Variants in ZNF678 observed in about 807,000 individuals in gnomAD.
ZNF678 encodes zinc finger protein 678.
Under a neutral mutation model 3.0 loss-of-function variants are expected in ZNF678, and 5 were observed. That is an observed-to-expected ratio of 1.69 (90% CI 0.88 to 3.56). ZNF678 has a LOEUF of 3.56. Ranked by LOEUF, ZNF678 falls within the 30% of genes most tolerant of loss-of-function variation. The pLI, the probability that ZNF678 is intolerant of heterozygous loss-of-function variation, is 0.00. For synonymous variants in ZNF678, 218 were observed against 199.6 expected (o/e 1.09, Z -0.78); for missense variants, 593 against 605.0 (o/e 0.98, Z 0.21).
In ZNF678 at chr1:227,656,484, T is replaced by C. The variant is rs1659253551; in HGVS notation, c.*656T>C. 1 of 151,844 alleles carries C rather than the reference T, an allele frequency of 6.6e-6. No homozygotes were observed. The highest frequency in any genetic ancestry group is 2.1e-4 in the South Asian group (1 of 4,826). The allele number at this position is 151,844 out of a possible 1,614,324, so 9.4% of individuals were successfully genotyped here. On this transcript the variant is annotated 3_prime_UTR_variant, in exon 4 of 4. Transcript: ENST00000343776. ...CAAATAACTTGATTTTTATTATATT[T>C]ATTGTTTATGTTAAAGTATGTGGTC...
chr1:227,588,568 C>T (rs1271545764), intron 1 of ZNF678, among the ~76,000 whole-genome samples: 1 of 148,526 alleles, frequency 6.7e-6, no homozygotes, highest in African/African-American at 2.5e-5. Flanking sequence ...GGCATGATGT[C>T]AACTCAATGC....
Position 227,654,743 on chromosome 1 carries a change from T to C in ZNF678, c.493T>C (p.Trp165Arg), listed in dbSNP as rs1659177231. 6.2e-7 allele frequency: 1 copy of C among 1,612,870 alleles called. No individual in the cohort carries two copies. Among genetic ancestry groups the C allele is most frequent in the South Asian group, 1.1e-5 (1 of 91,000 alleles). Reference sequence around the variant, plus strand: ...CGAATGTGGCAAAGTTTTTAATTGGTGGTCACAACTAACTAACCATAAGAA... The same window carrying C: ...CGAATGTGGCAAAGTTTTTAATTGGCGGTCACAACTAACTAACCATAAGAA... ...CDECGKVFNW[W>R]SQLTNHKKIH... The change falls in exon 4 of 4, where the codon TGG becomes CGG. Residue 165 changes from tryptophan (W) to arginine (R), a missense_variant. Physicochemically the swap from Trp to Arg is moderately radical, Grantham distance 101. Transcript: ENST00000343776.
chr1:227,574,900 C>T (rs1656949307), intron 1 of ZNF678, among the ~76,000 whole-genome samples: 1 of 152,086 alleles, frequency 6.6e-6, no homozygotes, highest in Non-Finnish European at 1.5e-5. Context: ...ATCCCAGTAA[C>T]ATTTATTAAA....
chr1:227,599,915 C>T (rs1657692357), intron 1 of ZNF678, among the ~76,000 whole-genome samples: 1 of 152,060 alleles, frequency 6.6e-6, no homozygotes, highest in Admixed American at 6.5e-5. Flanking sequence ...TTTCATTACC[C>T]AGGTATTAAG....
intron 1 of ZNF678, among the ~76,000 whole-genome samples, chr1:227,622,501 C>T (rs1455068817): frequency 6.6e-6 from 1 of 152,164 alleles, no homozygotes; most frequent in African/African-American, 2.4e-5. Context: ...CATGATCACT[C>T]GCGTTTGGCT....
intron 2 of ZNF678, among the ~76,000 whole-genome samples, chr1:227,646,892 T>C (rs1367597587): frequency 2.0e-5 from 3 of 152,218 alleles, no homozygotes; most frequent in Admixed American, 2.0e-4. Flanking sequence ...TCTAGATGAC[T>C]GGTAATTCCA....
Position 227,656,648 on chromosome 1 carries a change from T to C in ZNF678, c.*820T>C, listed in dbSNP as rs1445163515. ...TAAGTAGAAATGCTTTTTGTTGATG[T>C]ATAACAGTGTTTTAAGTAACACATT... is the stretch of plus-strand genomic sequence containing the variant. On this transcript the variant is annotated 3_prime_UTR_variant, in exon 4 of 4. Transcript: ENST00000343776. The C allele has an allele frequency of 2.0e-5, 3 of 151,892 alleles. No homozygotes were observed. Among genetic ancestry groups the C allele is most frequent in the Non-Finnish European group, 4.4e-5 (3 of 67,860 alleles). 9.4% of individuals were successfully genotyped at this position (151,892 alleles called of 1,614,324 possible). A position where few individuals can be genotyped will look rare whatever the true frequency, so the allele number is the denominator to read the frequency against.
At chr1:227,578,003 T>A (rs1657029804) in intron 1 of ZNF678, among the ~76,000 whole-genome samples, 2 of 152,196 alleles carry the variant, frequency 1.3e-5, no homozygotes, top group African/African-American at 4.8e-5. Flanking sequence ...GAATCTTAAT[T>A]TGGCCGAATA....
chr1:227,672,258 G>T (rs184799300), intron 5 of ZNF678, among the ~76,000 whole-genome samples: 1 of 152,280 alleles, frequency 6.6e-6, no homozygotes, highest in Non-Finnish European at 1.5e-5. Context: ...ACCACCATAT[G>T]AGATTAGGGA....
At chr1:227,666,965 G>C (rs1659513425), downstream of ZNF678, among the ~76,000 whole-genome samples, 1 of 151,480 alleles carries the variant, frequency 6.6e-6, no homozygotes, top group Admixed American at 6.6e-5. Flanking sequence ...AGCTGGTCTT[G>C]AACTCCAGAC....
At chr1:227,600,267 A>T (rs1291304723) in intron 1 of ZNF678, among the ~76,000 whole-genome samples, 1 of 152,210 alleles carries the variant, frequency 6.6e-6, no homozygotes, top group Non-Finnish European at 1.5e-5. Flanking sequence ...GCTGCAGTGA[A>T]CATAAGTGTG....
intron 2 of ZNF678, among the ~76,000 whole-genome samples, chr1:227,648,687 C>T (rs962022520): frequency 6.6e-6 from 1 of 152,096 alleles, no homozygotes; most frequent in Non-Finnish European, 1.5e-5. Flanking sequence ...GGCATGGTGG[C>T]AGGTGCCTGT....
chr1:227,667,816 TTA>T (rs1223899853), intron 5 of ZNF678, among the ~76,000 whole-genome samples: 2 of 152,218 alleles, frequency 1.3e-5, no homozygotes, highest in African/African-American at 4.8e-5. Context: ...TCAGAGAATT[TTA>T]TGTCTTCAAT....
chr1:227,608,323 T>C (rs1050714642), intron 1 of ZNF678, among the ~76,000 whole-genome samples: 2 of 152,126 alleles, frequency 1.3e-5, no homozygotes, highest in African/African-American at 4.8e-5. Flanking sequence ...AGCATGGTGA[T>C]TGGAATCCAG....
At chr1:227,626,621 G>T (rs1410087680) in intron 1 of ZNF678, among the ~76,000 whole-genome samples, 1 of 152,158 alleles carries the variant, frequency 6.6e-6, no homozygotes, top group Non-Finnish European at 1.5e-5. Flanking sequence ...TTTCGTATGG[G>T]CTGAGTCCCG....
intron 1 of ZNF678, among the ~76,000 whole-genome samples, chr1:227,642,842 G>A (rs1014806897): frequency 2.6e-5 from 4 of 152,166 alleles, no homozygotes; most frequent in African/African-American, 9.7e-5. Flanking sequence ...ACCTAGATGG[G>A]AGTTTCTTCA....
intron 1 of ZNF678, chr1:227,598,725 G>T: frequency 3.8e-6 from 2 of 524,586 alleles, no homozygotes; most frequent in South Asian, 3.5e-5. Context: ...TTCAGATTAT[G>T]ACATGGAGCT....
chr1:227,590,829 G>C (rs766511782), intron 1 of ZNF678, among the ~76,000 whole-genome samples: 1 of 151,728 alleles, frequency 6.6e-6, no homozygotes, highest in Non-Finnish European at 1.5e-5. Flanking sequence ...ACTCTGTGTC[G>C]TTTGAACTCC....
chr1:227,650,857 A>G (rs1470586449), intron 2 of ZNF678, 99 bp from the exon 3 acceptor site: 1 of 849,594 alleles, frequency 1.2e-6, no homozygotes, highest in African/African-American at 1.7e-5. Flanking sequence ...GGCTTTCTAC[A>G]TATAAGATAA....
Sources: gnomAD v4.1 joint callset for allele counts (sites outside exome capture counted in the v4.1 genomes callset) on GRCh38, gnomAD v4.1.1 for gene constraint, MANE v1.5 for transcripts, NCBI Gene and HGNC (gene_info 2026-07-23, HGNC 2026-07-21) for gene names.